SMG6: variants seen among roughly 807,000 people sequenced by gnomAD.
SMG6 encodes telomerase-binding protein EST1A.
SMG6 carries 66 observed loss-of-function variants against 142.2 expected under a neutral mutation model. The observed-to-expected ratio is 0.46, with a 90% CI of 0.38 to 0.57. The LOEUF is 0.57. SMG6 is among the 20% of genes least tolerant of loss of function. The probability of loss-of-function intolerance (pLI) is 0.00; values close to 1 mark genes in which losing one functional copy is unlikely to be tolerated. For missense variants in SMG6, 1,793 were observed against 1,832.0 expected (o/e 0.98, Z 0.39); for synonymous variants, 779 against 702.4 (o/e 1.11, Z -1.72).
At chr17:2,090,266 C>T (rs934975373) in intron 13 of SMG6, among the ~76,000 whole-genome samples, 4 of 143,942 alleles carry the variant, frequency 2.8e-5, no homozygotes, top group Admixed American at 1.4e-4. Context: ...CGGTAGGGAA[C>T]AAGCACAGTG....
intron 10 of SMG6, among the ~76,000 whole-genome samples, chr17:2,206,152 T>TA (rs530573384): frequency 6.2e-4 from 95 of 152,204 alleles, no homozygotes; most frequent in Non-Finnish European, 1.2e-3. Flanking sequence ...CACATGCTGT[T>TA]AAAAGATACC....
intron 13 of SMG6, among the ~76,000 whole-genome samples, chr17:2,171,824 C>T (rs565065995): frequency 3.6e-4 from 54 of 151,784 alleles, no homozygotes; most frequent in African/African-American, 1.1e-3. Context: ...TTTGTGGAGC[C>T]TCCCCAAAGG....
intron 18 of SMG6, chr17:2,063,056 G>A (rs1408775101): frequency 6.6e-6 from 1 of 152,270 alleles, no homozygotes; most frequent in Non-Finnish European, 1.5e-5. Context: ...TGGTATGCAG[G>A]GCTGTGTGGG....
Position 2,299,674 on chromosome 17 carries a change from T to C in SMG6, c.1079A>G (p.Asn360Ser), listed in dbSNP as rs1023915797. 8.7e-6 allele frequency: 14 copies of C among 1,614,120 alleles called. No individual in the cohort carries two copies. The Admixed American group carries it at 1.0e-4, about 12-fold the overall frequency. The change falls in exon 2 of 19, where the codon AAC (asparagine) becomes AGC (serine). Residue 360 changes from asparagine (N) to serine (S), a missense_variant. Asn to Ser is a conservative substitution (Grantham distance 46). Coordinates refer to ENST00000263073, the MANE Select transcript of SMG6 (RefSeq NM_017575.5). The surrounding 1 kb of genome is among the most constrained non-coding windows in gnomAD (Gnocchi z 4.3). The part of the protein sequence containing the change: ...LRVTFDAEAM[N>S]KESPMVRSAR... ...TGACCTCACCATGGGAGACTCTTTG[T>C]TCATGGCTTCTGCATCGAAAGTGAC...
intron 8 of SMG6, among the ~76,000 whole-genome samples, chr17:2,259,200 C>G (rs1045212496): frequency 6.6e-6 from 1 of 151,944 alleles, no homozygotes; most frequent in African/African-American, 2.4e-5. Flanking sequence ...CTTTCTTTCA[C>G]CGAGAGACCA....
At chr17:2,156,867 G>C (rs1436902564) in intron 13 of SMG6, among the ~76,000 whole-genome samples, 1 of 152,120 alleles carries the variant, frequency 6.6e-6, no homozygotes, top group Non-Finnish European at 1.5e-5. Flanking sequence ...TGCCCAGACT[G>C]GTCTCGAACT....
At chr17:2,225,666 A>T (rs985104413) in intron 10 of SMG6, among the ~76,000 whole-genome samples, 1 of 152,218 alleles carries the variant, frequency 6.6e-6, no homozygotes, top group Non-Finnish European at 1.5e-5. Flanking sequence ...AAATTTAATA[A>T]ATAAAATTTT....
intron 8 of SMG6, among the ~76,000 whole-genome samples, chr17:2,257,222 A>C (rs2074204979): frequency 6.6e-6 from 1 of 151,756 alleles, no homozygotes. Context: ...AGTAGCTGGG[A>C]CTACAGGCAC....
At chr17:2,115,649 T>C (rs896251926) in intron 13 of SMG6, among the ~76,000 whole-genome samples, 3 of 152,158 alleles carry the variant, frequency 2.0e-5, no homozygotes, top group African/African-American at 4.8e-5. Flanking sequence ...TAAAATAATA[T>C]AGTTTCAAGA....
At chr17:2,113,243 AT>A (rs1166603365) in intron 13 of SMG6, among the ~76,000 whole-genome samples, 36 of 147,146 alleles carry the variant, frequency 2.4e-4, no homozygotes, top group African/African-American at 4.2e-4. Flanking sequence ...TGCCTGGCCA[AT>A]TTTTTTTTTT....
At chr17:2,191,023 C>A (rs1013401163) in intron 10 of SMG6, among the ~76,000 whole-genome samples, 3 of 152,158 alleles carry the variant, frequency 2.0e-5, no homozygotes, top group Admixed American at 2.0e-4. Context: ...CTCAGTAGTA[C>A]CTCAAGCACA....
chr17:2,087,643 T>C, intron 13 of SMG6: 1 of 996,938 alleles, frequency 1.0e-6, no homozygotes, highest in African/African-American at 1.7e-5. Context: ...GGGAAGCTTG[T>C]CTTGGCCCAG....
At chr17:2,152,426 T>A (rs2070855168) in intron 13 of SMG6, among the ~76,000 whole-genome samples, 2 of 152,208 alleles carry the variant, frequency 1.3e-5, no homozygotes, top group African/African-American at 2.4e-5. Flanking sequence ...AGCCACAGAC[T>A]GAGAGAAAAT....
chr17:2,248,879 T>C (rs143896089), intron 8 of SMG6, among the ~76,000 whole-genome samples: 1 of 147,992 alleles, frequency 6.8e-6, no homozygotes, highest in African/African-American at 2.4e-5. Context: ...CTGAGACAGA[T>C]ACTTTGGAGA....
chr17:2,161,101 GA>G (rs2071162820), intron 13 of SMG6, among the ~76,000 whole-genome samples: 1 of 136,242 alleles, frequency 7.3e-6, no homozygotes, highest in Non-Finnish European at 1.5e-5. Flanking sequence ...TCACATAACT[GA>G]CCCTTTTTTT....
At chr17:2,303,259 G>T in intron 1 of SMG6, 1 of 1,052,340 alleles carries the variant, frequency 9.5e-7, no homozygotes, top group Non-Finnish European at 1.1e-6. Context: ...GGCCCGCGGA[G>T]GGCGGCCTGG....
At chr17:2,163,571 T>C (rs2071244695) in intron 13 of SMG6, among the ~76,000 whole-genome samples, 1 of 152,234 alleles carries the variant, frequency 6.6e-6, no homozygotes, top group South Asian at 2.1e-4. Flanking sequence ...TACATTTACT[T>C]ATTATGAGAA....
rs564296640 is a variant in SMG6, at chr17:2,156,255, T to C, written c.3357+16403A>G. ...AAATACAAAAAAAATTAGCCGGGCGTGGTCAGTGGGTGCCTGTAACCCCAG... is the reference window on the plus strand; with the variant it reads ...AAATACAAAAAAAATTAGCCGGGCGCGGTCAGTGGGTGCCTGTAACCCCAG... On this transcript the variant is annotated intron_variant, in intron 13 of 18. Transcript: ENST00000263073. Among the ~76,000 whole-genome samples the C allele has an allele frequency of 2.0e-3, 306 of 150,182 alleles. 2 individuals carry two copies. The highest frequency in any genetic ancestry group is 5.2e-3 in the African/African-American group (215 of 41,060).
rs1478837365 is a variant in SMG6, at chr17:2,060,866, AG to A, written c.*625del. ...AAGGGCAGGAAGAGGAGCAGCAGGA[AG>A]GGTGTGTGGTAAGTCTGGGGTGGAT... On this transcript the variant is annotated 3_prime_UTR_variant, in exon 19 of 19. Coordinates refer to ENST00000263073, the MANE Select transcript of SMG6 (RefSeq NM_017575.5). 1 of 153,378 alleles carries A rather than the reference AG, an allele frequency of 6.5e-6. No individual in the cohort carries two copies. Among genetic ancestry groups the A allele is most frequent in the African/African-American group, 2.4e-5 (1 of 41,448 alleles). 9.5% of individuals were successfully genotyped at this position (153,378 alleles called of 1,614,324 possible).
Sources: allele counts gnomAD v4.1 joint callset (sites outside exome capture counted in the v4.1 genomes callset), GRCh38; gene constraint gnomAD v4.1.1; non-coding constraint Gnocchi (gnomAD v3.1); transcripts MANE v1.5; gene names NCBI Gene and HGNC (gene_info 2026-07-23, HGNC 2026-07-21).